The following GUCY1A2 variants were observed in gnomAD, a reference collection of about 807,000 sequenced individuals.
GUCY1A2 encodes guanylate cyclase soluble subunit alpha-2.
GUCY1A2 carries 27 observed loss-of-function variants against 63.5 expected under a neutral mutation model. That is an observed-to-expected ratio of 0.43 (90% CI 0.31 to 0.59). GUCY1A2 has a LOEUF of 0.59. GUCY1A2 is among the 20% of genes least tolerant of loss of function. GUCY1A2 has a pLI of 0.11. For synonymous variants in GUCY1A2, 364 were observed against 343.5 expected, an observed-to-expected ratio of 1.06 and a Z score of -0.66; for missense variants, 768 against 913.3, an observed-to-expected ratio of 0.84 and a Z score of 2.05.
chr11:106,852,215 G>A (rs1418655897), intron 4 of GUCY1A2, among the ~76,000 whole-genome samples: 1 of 151,682 alleles, frequency 6.6e-6, no homozygotes, highest in African/African-American at 2.4e-5. Flanking sequence ...CTTTTTTATG[G>A]GGTCTTTAGG....
At chr11:106,883,071 A>C (rs1376332095) in intron 4 of GUCY1A2, among the ~76,000 whole-genome samples, 3 of 152,100 alleles carry the variant, frequency 2.0e-5, no homozygotes, top group Middle Eastern at 3.2e-3. Flanking sequence ...TTTGCCTTTG[A>C]TATTACACAT....
chr11:106,904,589 T>A (rs1050590552), intron 4 of GUCY1A2, among the ~76,000 whole-genome samples: 1 of 152,138 alleles, frequency 6.6e-6, no homozygotes, highest in African/African-American at 2.4e-5. Flanking sequence ...AAGCTTTTTT[T>A]AATGTACAAC....
chr11:106,709,271 A>T (rs1457181874), intron 6 of GUCY1A2, among the ~76,000 whole-genome samples: 1 of 68,358 alleles, frequency 1.5e-5, no homozygotes, highest in South Asian at 4.4e-4. Context: ...AAATATATTT[A>T]TATATATAAA....
chr11:106,900,340 C>T (rs1156559404), intron 4 of GUCY1A2, among the ~76,000 whole-genome samples: 1 of 152,092 alleles, frequency 6.6e-6, no homozygotes, highest in African/African-American at 2.4e-5. Context: ...CAAGCCCCCA[C>T]ACCCAGCTAA....
intron 4 of GUCY1A2, among the ~76,000 whole-genome samples, chr11:106,890,812 A>G (rs17106158): frequency 0.041 from 6,185 of 152,290 alleles, 675 homozygotes; most frequent in East Asian, 0.3. Flanking sequence ...TAGAGAAACT[A>G]CTGAAGTTCC....
chr11:106,882,848 A>T (rs943403250), intron 4 of GUCY1A2, among the ~76,000 whole-genome samples: 1 of 152,030 alleles, frequency 6.6e-6, no homozygotes, highest in South Asian at 2.1e-4. Context: ...ATAATTAGAG[A>T]CGTGATATTA....
chr11:106,735,723 G>C (rs530424790), intron 6 of GUCY1A2, among the ~76,000 whole-genome samples: 1 of 152,176 alleles, frequency 6.6e-6, no homozygotes, highest in East Asian at 1.9e-4. Context: ...TTCTCCAACA[G>C]AACTGTACTA....
At chr11:106,956,208 G>A (rs755906193) in intron 3 of GUCY1A2, among the ~76,000 whole-genome samples, 41 of 151,676 alleles carry the variant, frequency 2.7e-4, no homozygotes, top group Non-Finnish European at 4.7e-4. Context: ...TCTTAGCTTC[G>A]TTGCATTGGG....
chr11:107,007,375 T>C lies in GUCY1A2; in HGVS notation c.303+10378A>G, dbSNP rs574040890. On this transcript the variant is annotated intron_variant, in intron 1 of 7. Coordinates refer to ENST00000526355, the MANE Select transcript of GUCY1A2 (RefSeq NM_000855.3). Reference sequence around the variant, plus strand: ...AAATAGTCTTAATTTCAGATCGGTGTTCAAACAGAAAGGCTAGAAATGTCT... The same window carrying C: ...AAATAGTCTTAATTTCAGATCGGTGCTCAAACAGAAAGGCTAGAAATGTCT... 6.6e-5 allele frequency among the ~76,000 whole-genome samples: 10 copies of C among 152,286 alleles called. No homozygotes were observed. The South Asian group carries it at 1.5e-3, about 22-fold the overall frequency.
intron 3 of GUCY1A2, among the ~76,000 whole-genome samples, chr11:106,975,210 A>C (rs895559251): frequency 6.6e-6 from 1 of 152,124 alleles, no homozygotes; most frequent in Non-Finnish European, 1.5e-5. Flanking sequence ...CCCTGCCTAC[A>C]ACACTATGTA....
chr11:106,922,675 A>G (rs1297635542), intron 4 of GUCY1A2, among the ~76,000 whole-genome samples: 1 of 3,372 alleles, frequency 3.0e-4, no homozygotes, highest in Non-Finnish European at 1.1e-3. Flanking sequence ...ATATATATAT[A>G]TATATATATA....
chr11:107,011,010 G>A (rs753628752), intron 1 of GUCY1A2, among the ~76,000 whole-genome samples: 9 of 152,158 alleles, frequency 5.9e-5, no homozygotes, highest in African/African-American at 1.4e-4. Flanking sequence ...GATTACAGGC[G>A]TCAACCACTG....
Position 106,978,274 on chromosome 11 carries a change from G to C in GUCY1A2, c.487+345C>G, listed in dbSNP as rs1351274055. 2.0e-5 allele frequency among the ~76,000 whole-genome samples: 3 copies of C among 152,096 alleles called. No individual in the cohort carries two copies. The South Asian group carries it at 6.2e-4, about 32-fold the overall frequency. On this transcript the variant is annotated intron_variant, in intron 3 of 7. Coordinates refer to ENST00000526355, the MANE Select transcript of GUCY1A2 (RefSeq NM_000855.3). ...ACCAGGACCTCCCAGAAGTAATAGA[G>C]TATGACTGAGAGGAAAAAAAGATCC...
At chr11:106,870,786 AG>A (rs1035442304) in intron 4 of GUCY1A2, among the ~76,000 whole-genome samples, 3 of 151,996 alleles carry the variant, frequency 2.0e-5, no homozygotes, top group African/African-American at 7.2e-5. Context: ...ATGCTATGCA[AG>A]GTTCTTTCAT....
At chr11:106,772,336 T>C (rs1002931304) in intron 6 of GUCY1A2, among the ~76,000 whole-genome samples, 1 of 152,132 alleles carries the variant, frequency 6.6e-6, no homozygotes, top group Non-Finnish European at 1.5e-5. Flanking sequence ...TAATTTGAGG[T>C]AAACAGTAAG....
chr11:106,964,959 G>A (rs1008298380), intron 3 of GUCY1A2, among the ~76,000 whole-genome samples: 3 of 152,064 alleles, frequency 2.0e-5, no homozygotes, highest in Non-Finnish European at 2.9e-5. Flanking sequence ...TAGCCTGGGC[G>A]ACAGAGCAAG....
intron 1 of GUCY1A2, among the ~76,000 whole-genome samples, chr11:107,009,518 G>T (rs1193434055): frequency 6.6e-6 from 1 of 151,892 alleles, no homozygotes; most frequent in African/African-American, 2.4e-5. Flanking sequence ...TGGAAAAAGG[G>T]GTCACAAGAT....
intron 1 of GUCY1A2, among the ~76,000 whole-genome samples, chr11:107,012,131 T>C (rs530439312): frequency 1.1e-3 from 168 of 152,302 alleles, no homozygotes; most frequent in Non-Finnish European, 1.8e-3. Context: ...ATGGAAATGT[T>C]TGGATCTGCA....
chr11:106,989,422 G>A (rs1230491120), intron 1 of GUCY1A2, among the ~76,000 whole-genome samples: 1 of 151,874 alleles, frequency 6.6e-6, no homozygotes, highest in Non-Finnish European at 1.5e-5. Flanking sequence ...TACAAGTACA[G>A]AATGTGCAGG....
Sources: gnomAD v4.1 joint callset for allele counts (sites outside exome capture counted in the v4.1 genomes callset) on GRCh38, gnomAD v4.1.1 for gene constraint, MANE v1.5 for transcripts, NCBI Gene and HGNC (gene_info 2026-07-23, HGNC 2026-07-21) for gene names.